The following EYS variants were observed in gnomAD, a reference collection of about 807,000 sequenced individuals.
EYS encodes EGF-like photoreceptor maintenance factor.
EYS carries 250 observed loss-of-function variants against 282.1 expected under a neutral mutation model. The ratio of observed to expected loss-of-function variants is 0.89; its 90% CI spans 0.80 to 0.98. The LOEUF (loss-of-function observed/expected upper bound fraction) is 0.98. EYS is among the 50% of genes least tolerant of loss of function. The probability of loss-of-function intolerance (pLI) is 0.00; values close to 1 mark genes in which losing one functional copy is unlikely to be tolerated. For missense variants in EYS, 4,016 were observed against 3,709.0 expected (o/e 1.08, Z -2.15); for synonymous variants, 1,355 against 1,282.9 (o/e 1.06, Z -1.20).
intron 26 of EYS, among the ~76,000 whole-genome samples, chr6:64,539,287 G>A (rs1288983694): frequency 6.6e-6 from 1 of 152,148 alleles, no homozygotes; most frequent in Non-Finnish European, 1.5e-5. Flanking sequence ...GACTCTTAGT[G>A]GGGTACAGAG....
At chr6:65,486,987 G>A (rs1017919577) in intron 5 of EYS, among the ~76,000 whole-genome samples, 2 of 151,184 alleles carry the variant, frequency 1.3e-5, no homozygotes, top group Non-Finnish European at 3.0e-5. Context: ...TCTGTTATTG[G>A]TATATAGGAA....
chr6:64,011,285 C>T (rs116421752), intron 33 of EYS, among the ~76,000 whole-genome samples: 6 of 152,108 alleles, frequency 3.9e-5, no homozygotes, highest in African/African-American at 7.2e-5. Flanking sequence ...CATCTTGACC[C>T]GAAATCCCCC....
intron 9 of EYS, among the ~76,000 whole-genome samples, chr6:65,352,891 G>A (rs575446182): frequency 1.3e-5 from 2 of 151,878 alleles, no homozygotes; most frequent in African/African-American, 4.8e-5. Context: ...GGCCTTCAAA[G>A]AAGCCATTTC....
At chr6:64,310,943 G>T (rs991846242) in intron 29 of EYS, among the ~76,000 whole-genome samples, 1 of 151,802 alleles carries the variant, frequency 6.6e-6, no homozygotes, top group Non-Finnish European at 1.5e-5. Context: ...TTTCTGTAAG[G>T]CTAAATTTAT....
At chr6:63,945,417 A>G (rs183668116) in intron 35 of EYS, among the ~76,000 whole-genome samples, 4 of 152,296 alleles carry the variant, frequency 2.6e-5, no homozygotes, top group Admixed American at 2.6e-4. Context: ...CTACCATTCA[A>G]GATGAGAATT....
At chr6:65,601,420 A>G (rs1377030787) in intron 2 of EYS, among the ~76,000 whole-genome samples, 2 of 151,882 alleles carry the variant, frequency 1.3e-5, no homozygotes, top group Non-Finnish European at 2.9e-5. Context: ...GCTACAGTCA[A>G]TTATGCTTTT....
At chr6:65,418,148 G>A (rs1767313946) in intron 5 of EYS, among the ~76,000 whole-genome samples, 1 of 151,966 alleles carries the variant, frequency 6.6e-6, no homozygotes, top group South Asian at 2.1e-4. Context: ...GGCTACATGG[G>A]ACTACGTTGT....
chr6:65,167,658 A>C (rs1765006310), intron 12 of EYS, among the ~76,000 whole-genome samples: 1 of 151,192 alleles, frequency 6.6e-6, no homozygotes, highest in African/African-American at 2.4e-5. Context: ...GAACTTCTGG[A>C]AACTGACTTG....
chr6:63,908,116 CAT>C (rs1289756274), intron 35 of EYS, among the ~76,000 whole-genome samples: 1 of 149,798 alleles, frequency 6.7e-6, no homozygotes, highest in African/African-American at 2.5e-5. Flanking sequence ...CCAGTCATCA[CAT>C]GATAGACAGG....
intron 22 of EYS, 108 bp from the exon 23 acceptor site, chr6:64,626,353 C>A: frequency 1.5e-6 from 2 of 1,341,842 alleles, no homozygotes; most frequent in Admixed American, 3.2e-5. Flanking sequence ...GCTCCAACAA[C>A]ATGTAGCTGG....
At chr6:64,886,433 A>G (rs939535818) in intron 19 of EYS, among the ~76,000 whole-genome samples, 4 of 152,162 alleles carry the variant, frequency 2.6e-5, no homozygotes, top group African/African-American at 9.6e-5. Flanking sequence ...TATTATAGCC[A>G]TGCAAACTTA....
chr6:65,554,935 T>A (rs1768741399), intron 2 of EYS, among the ~76,000 whole-genome samples: 1 of 152,140 alleles, frequency 6.6e-6, no homozygotes, highest in Admixed American at 6.6e-5. Context: ...TTTGCACAAT[T>A]ATGCATTCAT....
At chr6:64,097,941 T>C (rs1250680955) in intron 31 of EYS, among the ~76,000 whole-genome samples, 1 of 152,184 alleles carries the variant, frequency 6.6e-6, no homozygotes, top group Non-Finnish European at 1.5e-5. Context: ...ACCTCATGAA[T>C]ACTAGGAAAA....
intron 12 of EYS, among the ~76,000 whole-genome samples, chr6:65,292,481 G>A (rs2150283986): frequency 6.6e-6 from 1 of 151,836 alleles, no homozygotes; most frequent in East Asian, 1.9e-4. Context: ...CAATTCTAAT[G>A]TGGACGAGAT....
intron 22 of EYS, among the ~76,000 whole-genome samples, chr6:64,795,246 A>G (rs1021224932): frequency 6.6e-6 from 1 of 152,078 alleles, no homozygotes; most frequent in African/African-American, 2.4e-5. Flanking sequence ...AAAAAAAAAA[A>G]AAAGAAGTAG....
intron 22 of EYS, among the ~76,000 whole-genome samples, chr6:64,634,537 C>A (rs1403039233): frequency 2.4e-5 from 2 of 83,610 alleles, no homozygotes; most frequent in East Asian, 3.3e-4. Context: ...CAGTAAGATA[C>A]CCTAGCTTCC....
At chr6:64,448,237 G>A (rs1775187043) in intron 26 of EYS, among the ~76,000 whole-genome samples, 1 of 152,234 alleles carries the variant, frequency 6.6e-6, no homozygotes, top group African/African-American at 2.4e-5. Flanking sequence ...AAGGTCCTAT[G>A]CCCACGGAGC....
chr6:65,078,305 A>G (rs1209123024), intron 12 of EYS, among the ~76,000 whole-genome samples: 3 of 152,276 alleles, frequency 2.0e-5, no homozygotes, highest in Admixed American at 6.5e-5. Context: ...ATGATCAGAA[A>G]TATTACAGTA....
chr6:65,493,889 T>C (rs1217451031), intron 4 of EYS, among the ~76,000 whole-genome samples: 1 of 152,194 alleles, frequency 6.6e-6, no homozygotes, highest in Non-Finnish European at 1.5e-5. Context: ...CAATTATCTG[T>C]TCCTCTCCAA....
Sources: gnomAD v4.1 joint callset for allele counts (sites outside exome capture counted in the v4.1 genomes callset) on GRCh38, gnomAD v4.1.1 for gene constraint, MANE v1.5 for transcripts, NCBI Gene and HGNC (gene_info 2026-07-23, HGNC 2026-07-21) for gene names.